RNF212B: variants seen among roughly 807,000 people sequenced by gnomAD.
The protein encoded by RNF212B is ring finger protein 212B.
Under a neutral mutation model 55.5 loss-of-function variants are expected in RNF212B, and 52 were observed. That is an observed-to-expected ratio of 0.94 (90% CI 0.75 to 1.18). The LOEUF is 1.18. RNF212B is among the 50% of genes most tolerant of loss of function. The probability of loss-of-function intolerance (pLI) is 0.00; values close to 1 mark genes in which losing one functional copy is unlikely to be tolerated. For synonymous variants in RNF212B, 99 were observed against 121.4 expected (o/e 0.82, Z 1.21); for missense variants, 289 against 350.4 (o/e 0.82, Z 1.40).
chr14:23,253,594 G>T (rs1884575015), intron 4 of RNF212B, among the ~76,000 whole-genome samples: 1 of 151,998 alleles, frequency 6.6e-6, no homozygotes, highest in Admixed American at 6.6e-5. Context: ...GTACTTAATG[G>T]TCTATGTCTC....
At chr14:23,201,542 AC>A (rs1879285581) in intron 2 of RNF212B, among the ~76,000 whole-genome samples, 3 of 152,230 alleles carry the variant, frequency 2.0e-5, no homozygotes, top group Non-Finnish European at 4.4e-5. Flanking sequence ...TTCATATTTG[AC>A]AATGCTTCCT....
chr14:23,244,299 A>G, intron 3 of RNF212B, 23 bp from the exon 4 acceptor site: 1 of 1,399,310 alleles, frequency 7.1e-7, no homozygotes, highest in Non-Finnish European at 9.7e-7. Context: ...ATATTCTCAC[A>G]GTGTGTATTG....
chr14:23,256,950 C>T (rs1320995254), intron 4 of RNF212B, among the ~76,000 whole-genome samples: 1 of 152,140 alleles, frequency 6.6e-6, no homozygotes, highest in African/African-American at 2.4e-5. Context: ...GTCAGGAGTT[C>T]GAGACCAGTC....
chr14:23,220,390 GGTCTGGTGGTGC>G (rs1881458620), intron 2 of RNF212B, among the ~76,000 whole-genome samples: 1 of 151,956 alleles, frequency 6.6e-6, no homozygotes, highest in African/African-American at 2.4e-5. Context: ...AAGTTAGCTG[GGTCTGGTGGTGC>G]ACACCTGTAG....
intron 14 of RNF212B, 51 bp from the exon 15 acceptor site, chr14:23,272,772 C>A: frequency 8.4e-7 from 1 of 1,185,376 alleles, no homozygotes; most frequent in Non-Finnish European, 1.2e-6. Flanking sequence ...ACTTGCTTGC[C>A]CTTTTTGCTG....
At chr14:23,225,057 A>G (rs1475394495) in intron 2 of RNF212B, among the ~76,000 whole-genome samples, 3 of 152,082 alleles carry the variant, frequency 2.0e-5, no homozygotes, top group Non-Finnish European at 4.4e-5. Context: ...TGATCAGATT[A>G]AGACACCTTG....
At chr14:23,203,251 C>T (rs1487119851) in intron 2 of RNF212B, among the ~76,000 whole-genome samples, 2 of 151,962 alleles carry the variant, frequency 1.3e-5, no homozygotes, top group African/African-American at 2.4e-5. Context: ...GTTTTCCATT[C>T]CTGGGCTACT....
intron 2 of RNF212B, among the ~76,000 whole-genome samples, chr14:23,219,477 G>GTTT (rs149486751): frequency 4.1e-5 from 6 of 145,094 alleles, no homozygotes; most frequent in Non-Finnish European, 7.6e-5. Flanking sequence ...TCTCCTTCTA[G>GTTT]TTTTTTTTTT....
intron 2 of RNF212B, among the ~76,000 whole-genome samples, chr14:23,228,462 CAAAAAAAA>C (rs776673043): frequency 7.9e-5 from 6 of 76,098 alleles, no homozygotes; most frequent in Admixed American, 1.7e-4. Flanking sequence ...CTATCTCTAC[CAAAAAAAA>C]AAAAAAAAAA....
intron 1 of RNF212B, among the ~76,000 whole-genome samples, chr14:23,190,891 C>G (rs1878056214): frequency 6.6e-6 from 1 of 152,188 alleles, no homozygotes; most frequent in African/African-American, 2.4e-5. Flanking sequence ...GGCCTCCTTC[C>G]TAGTCCTTGA....
intron 11 of RNF212B, among the ~76,000 whole-genome samples, chr14:23,265,715 G>A (rs1885644346): frequency 6.6e-6 from 1 of 152,102 alleles, no homozygotes; most frequent in Non-Finnish European, 1.5e-5. Flanking sequence ...TCATTTCAAA[G>A]AATTCGTTTT....
rs190168479 is a variant in RNF212B at position 23,248,681 on chromosome 14, C to T, written c.228+4285C>T. ...AGTCTCGAATTCCTGACCTCGTGAT[C>T]CGCCCACCTCAGCCTCCCAAAGTGC... On this transcript the variant is annotated intron_variant, in intron 4 of 14. Transcript: ENST00000430154. 2.5e-3 allele frequency among the ~76,000 whole-genome samples: 380 copies of T among 152,074 alleles called. 3 individuals carry two copies. Among genetic ancestry groups the T allele is most frequent in the African/African-American group, 8.7e-3 (361 of 41,480 alleles).
chr14:23,234,971 TG>T (rs1304009917), upstream of RNF212B, among the ~76,000 whole-genome samples: 2 of 152,098 alleles, frequency 1.3e-5, no homozygotes, highest in Non-Finnish European at 2.9e-5. Flanking sequence ...CCCAGCACTT[TG>T]GGAGGCCGAG....
chr14:23,206,375 GTCTTT>G, intron 2 of RNF212B, among the ~76,000 whole-genome samples: 1 of 152,120 alleles, frequency 6.6e-6, no homozygotes, highest in African/African-American at 2.4e-5. Flanking sequence ...GCCCGGCCTA[GTCTTT>G]TCTTTTTCAG....
intron 2 of RNF212B, among the ~76,000 whole-genome samples, chr14:23,208,797 C>T (rs1315935716): frequency 4.1e-5 from 5 of 121,466 alleles, no homozygotes; most frequent in South Asian, 2.9e-4. Flanking sequence ...CTCACTCTGT[C>T]GCCCAGGCTG....
At chr14:23,217,900 G>A (rs1164508902) in intron 2 of RNF212B, among the ~76,000 whole-genome samples, 1 of 151,842 alleles carries the variant, frequency 6.6e-6, no homozygotes, top group Non-Finnish European at 1.5e-5. Flanking sequence ...AAGGCACCAG[G>A]GATCAATACT....
rs1369090547 is a variant in RNF212B at position 23,254,305 on chromosome 14, AAC to A, written c.229-4242_229-4241del. Among the ~76,000 whole-genome samples, 11 of 149,562 alleles carry A rather than the reference AAC, an allele frequency of 7.4e-5. 1 individual carries two copies. The highest frequency in any genetic ancestry group is 9.8e-5 in the African/African-American group (4 of 41,010). Reference sequence around the variant, plus strand: ...TTATCTCAAAAACAAAACAAAACAAAACAAAACAAAACAAAAAAACAAAAACA... The same window carrying A: ...TTATCTCAAAAACAAAACAAAACAAAAAAACAAAACAAAAAAACAAAAACA... On this transcript the variant is annotated intron_variant, in intron 4 of 14. Coordinates refer to ENST00000430154, the MANE Select transcript of RNF212B (RefSeq NM_001282322.3).
At chr14:23,228,954 A>G (rs572586315) in intron 2 of RNF212B, among the ~76,000 whole-genome samples, 5 of 152,020 alleles carry the variant, frequency 3.3e-5, no homozygotes, top group South Asian at 4.2e-4. Flanking sequence ...TACAATCATC[A>G]TCTCTATTTC....
At chr14:23,196,710 G>A (rs932434371) in intron 2 of RNF212B, among the ~76,000 whole-genome samples, 1 of 152,194 alleles carries the variant, frequency 6.6e-6, no homozygotes, top group Admixed American at 6.5e-5. Flanking sequence ...CTAAAGTGCT[G>A]GGATTACAGG....
Sources: gnomAD v4.1 joint callset for allele counts (sites outside exome capture counted in the v4.1 genomes callset) on GRCh38, gnomAD v4.1.1 for gene constraint, MANE v1.5 for transcripts, NCBI Gene and HGNC (gene_info 2026-07-23, HGNC 2026-07-21) for gene names.